Variants in PCDHA4 observed in about 807,000 individuals in gnomAD.
PCDHA4 encodes protocadherin alpha 4, also known as protocadherin alpha-4.
PCDHA4 carries 49 observed loss-of-function variants against 61.4 expected under a neutral mutation model. The ratio of observed to expected loss-of-function variants is 0.80; its 90% CI spans 0.63 to 1.01. The LOEUF (loss-of-function observed/expected upper bound fraction) is 1.01, where lower values mean the gene tolerates loss of function less well. Ranked by LOEUF, PCDHA4 falls within the 50% of genes least tolerant of loss-of-function variation. The pLI is 0.00. For missense variants in PCDHA4, 1,254 were observed against 1,235.8 expected, an observed-to-expected ratio of 1.01 and a Z score of -0.22; for synonymous variants, 590 against 550.3, an observed-to-expected ratio of 1.07 and a Z score of -1.01.
At chr5:141,006,119 T>C (rs1327328997) in intron 3 of PCDHA4, among the ~76,000 whole-genome samples, 14 of 152,070 alleles carry the variant, frequency 9.2e-5, no homozygotes, top group South Asian at 4.2e-4. Context: ...TTTTTTTTTT[T>C]CTCAAGGCAG....
chr5:140,841,522 G>C (rs2150317350), intron 1 of PCDHA4: 13 of 1,613,482 alleles, frequency 8.1e-6, no homozygotes, highest in Non-Finnish European at 1.1e-5. Context: ...TCCGGGTGGC[G>C]TCCAAAAGAC....
intron 1 of PCDHA4, chr5:140,843,668 G>C: frequency 6.3e-7 from 1 of 1,593,338 alleles, no homozygotes; most frequent in South Asian, 1.1e-5. Flanking sequence ...TCTGGGATCA[G>C]TTGATGTAGG....
chr5:140,918,425 T>A (rs1402096329), intron 1 of PCDHA4, among the ~76,000 whole-genome samples: 1 of 152,200 alleles, frequency 6.6e-6, no homozygotes, highest in Non-Finnish European at 1.5e-5. Flanking sequence ...TCCAGTAGGA[T>A]GTTGAATAGG....
intron 1 of PCDHA4, chr5:140,814,732 A>C (rs1021205164): frequency 6.6e-6 from 1 of 152,210 alleles, no homozygotes; most frequent in Non-Finnish European, 1.5e-5. Flanking sequence ...TTTCAGCTCC[A>C]TTATAATCTT....
At chr5:141,006,882 G>A (rs1442637421) in intron 3 of PCDHA4, among the ~76,000 whole-genome samples, 1 of 152,204 alleles carries the variant, frequency 6.6e-6, no homozygotes, top group Non-Finnish European at 1.5e-5. Flanking sequence ...GGAATCAAGA[G>A]TTTGATTTCA....
intron 1 of PCDHA4, chr5:140,867,950 C>G (rs2050209580): frequency 1.3e-5 from 2 of 152,002 alleles, no homozygotes; most frequent in Non-Finnish European, 2.9e-5. Context: ...ACTTCTGCTC[C>G]CAAACCCAAA....
At chr5:140,918,348 G>A (rs1184826451) in intron 1 of PCDHA4, among the ~76,000 whole-genome samples, 1 of 152,138 alleles carries the variant, frequency 6.6e-6, no homozygotes, top group Non-Finnish European at 1.5e-5. Context: ...GAGATAGGTT[G>A]ACTTCCTCTC....
At position 140,809,591 on chromosome 5, in the gene PCDHA4, T is replaced by C; in HGVS notation, c.2385+19T>C. 1 of 1,536,156 alleles carries C rather than the reference T, an allele frequency of 6.5e-7. No homozygotes were observed. The highest frequency in any genetic ancestry group is 1.2e-5 in the South Asian group (1 of 80,268). On this transcript the variant is annotated intron_variant, in intron 1 of 3. Coordinates refer to ENST00000530339, the MANE Select transcript of PCDHA4 (RefSeq NM_018907.4). ...TGCAAAGGTTAGTGTATAACATCCT[T>C]TTGTTTAATTTTCGTATTGTTTTTC...
chr5:140,869,451 T>C, intron 1 of PCDHA4: 1 of 1,614,146 alleles, frequency 6.2e-7, no homozygotes, highest in Non-Finnish European at 8.5e-7. Context: ...CGCTGCAGGT[T>C]TTCCATGTGA....
chr5:141,003,638 G>C (rs2098132492), intron 3 of PCDHA4, among the ~76,000 whole-genome samples: 1 of 152,118 alleles, frequency 6.6e-6, no homozygotes, highest in Admixed American at 6.6e-5. Flanking sequence ...TAAAGTAGAA[G>C]TGAAGATCTG....
rs186780543 is a variant in PCDHA4, at chr5:140,848,623, C to T, written c.2385+39051C>T. On this transcript the variant is annotated intron_variant, in intron 1 of 3. Transcript: ENST00000530339. The stretch of plus-strand genomic sequence containing the variant: ...GTCCCGGAGGAAGCCGAACACGGCA[C>T]CTTCGTGGGCCGCATCGCGCAGGAC... The T allele has an allele frequency of 1.0e-5, 16 of 1,592,746 alleles. 2 individuals carry two copies. The Admixed American group carries it at 1.5e-4, about 15-fold the overall frequency.
intron 1 of PCDHA4, chr5:140,841,464 T>C (rs2150316083): frequency 2.1e-5 from 34 of 1,612,868 alleles, no homozygotes; most frequent in Admixed American, 3.3e-5. Flanking sequence ...GTGGGCCGGA[T>C]CGCGCAGGAC....
At chr5:140,889,218 G>T (rs1163027011) in intron 1 of PCDHA4, among the ~76,000 whole-genome samples, 1 of 151,574 alleles carries the variant, frequency 6.6e-6, no homozygotes, top group Non-Finnish European at 1.5e-5. Flanking sequence ...AAGAAGAATA[G>T]TCTTTGAAAA....
At chr5:140,817,937 C>A (rs2150099666) in intron 1 of PCDHA4, among the ~76,000 whole-genome samples, 9 of 152,198 alleles carry the variant, frequency 5.9e-5, no homozygotes, top group African/African-American at 2.2e-4. Flanking sequence ...TGATGGCTGT[C>A]AAGTTTATTG....
chr5:140,829,141 A>T, intron 1 of PCDHA4: 1 of 1,613,462 alleles, frequency 6.2e-7, no homozygotes, highest in Non-Finnish European at 8.5e-7. Context: ...TCCCTGAGAT[A>T]GCACTGACTT....
In PCDHA4 at chr5:140,927,516, C is replaced by T. The variant is rs782661477; in HGVS notation, c.2386-51433C>T. 3.1e-6 allele frequency: 5 copies of T among 1,613,948 alleles called. No homozygotes were observed. The South Asian group carries it at 4.4e-5, about 14-fold the overall frequency. Reference sequence around the variant, plus strand: ...TGCTGGTGCTTACAGCTCGGGACGGCGGGCTACCTGCCCGCTCAGGAGACG... The same window carrying T: ...TGCTGGTGCTTACAGCTCGGGACGGTGGGCTACCTGCCCGCTCAGGAGACG... On this transcript the variant is annotated intron_variant, in intron 1 of 3. Transcript: ENST00000530339.
At position 141,010,124 on chromosome 5, in the gene PCDHA4, G is replaced by C. The variant is rs1161168842; in HGVS notation, c.*187G>C. 1.2e-6 allele frequency: 2 copies of C among 1,605,172 alleles called. No homozygotes were observed. The highest frequency in any genetic ancestry group is 1.1e-5 in the South Asian group (1 of 90,170). On this transcript the variant is annotated 3_prime_UTR_variant, in exon 4 of 4. Coordinates refer to ENST00000530339, the MANE Select transcript of PCDHA4 (RefSeq NM_018907.4). ...GGTTTTGTCGTAAAAGCTTTACTAA[G>C]TCTGGTGTTAACTCTTTCTCTCCAC...
At chr5:140,926,362 C>G (rs1199629040) in intron 1 of PCDHA4, 4 of 152,268 alleles carry the variant, frequency 2.6e-5, no homozygotes, top group African/African-American at 9.7e-5. Context: ...TCCCAAAGGG[C>G]GGCAGGAAGA....
At chr5:140,815,347 T>C (rs1177649027) in intron 1 of PCDHA4, 4 of 152,118 alleles carry the variant, frequency 2.6e-5, no homozygotes, top group African/African-American at 9.6e-5. Context: ...TTTTCTTTTG[T>C]ATATCTTCCA....
Sources: allele counts gnomAD v4.1 joint callset (sites outside exome capture counted in the v4.1 genomes callset), GRCh38; gene constraint gnomAD v4.1.1; transcripts MANE v1.5; gene names NCBI Gene and HGNC (gene_info 2026-07-23, HGNC 2026-07-21).